The following AKAP19 variants were observed in gnomAD, a reference collection of about 807,000 sequenced individuals.
AKAP19 encodes the protein A-kinase anchoring protein 19, also known as small A-kinase anchoring protein.
chr2:190,157,441 G>A, the AKAP19 span, among the ~76,000 whole-genome samples: 1 of 149,404 alleles, frequency 6.7e-6, no homozygotes, highest in Non-Finnish European at 1.5e-5. Flanking sequence ...CTCCAGAAAA[G>A]AAGGTTAAAT....
the AKAP19 span, among the ~76,000 whole-genome samples, chr2:190,127,494 A>T: frequency 1.3e-5 from 2 of 152,174 alleles, no homozygotes; most frequent in African/African-American, 4.8e-5. Flanking sequence ...CACATGGCAA[A>T]TACTAAAGCT....
chr2:190,147,314 G>GA, the AKAP19 span, among the ~76,000 whole-genome samples: 8 of 152,208 alleles, frequency 5.3e-5, no homozygotes, highest in East Asian at 1.4e-3. Context: ...GGCTGTAAGT[G>GA]TTTTGGTTTA....
the AKAP19 span, among the ~76,000 whole-genome samples, chr2:190,102,241 G>A: frequency 6.6e-6 from 1 of 151,862 alleles, no homozygotes; most frequent in Non-Finnish European, 1.5e-5. Context: ...AAATTAGAAA[G>A]ACCCCAAATT....
chr2:189,901,502 T>G, the AKAP19 span, among the ~76,000 whole-genome samples: 2 of 152,092 alleles, frequency 1.3e-5, no homozygotes, highest in Non-Finnish European at 2.9e-5. Context: ...CACACCTGGC[T>G]AATTTTTGTA....
chr2:190,094,045 C>T, the AKAP19 span, among the ~76,000 whole-genome samples: 1 of 152,186 alleles, frequency 6.6e-6, no homozygotes, highest in African/African-American at 2.4e-5. Flanking sequence ...AGGCCCCACA[C>T]CCCTGCAAGA....
At chr2:189,992,948 C>G in the AKAP19 span, among the ~76,000 whole-genome samples, 1 of 152,214 alleles carries the variant, frequency 6.6e-6, no homozygotes, top group Non-Finnish European at 1.5e-5. Flanking sequence ...GTTATACAAT[C>G]ATATCATTGG....
the AKAP19 span, chr2:190,180,474 G>C: frequency 1.0e-6 from 1 of 985,562 alleles, no homozygotes; most frequent in Non-Finnish European, 1.2e-6. This position sits in a 1 kb window ranked among gnomAD's most constrained non-coding sequence, Gnocchi z 6.8. Context: ...TGCCTCGCTG[G>C]CTCTTACTTT....
the AKAP19 span, among the ~76,000 whole-genome samples, chr2:189,950,341 T>TG: frequency 2.0e-5 from 3 of 150,376 alleles, no homozygotes; most frequent in East Asian, 1.9e-4. Flanking sequence ...TTTGTTTTTT[T>TG]TTTTTGTTTT....
At chr2:190,170,158 T>G in the AKAP19 span, among the ~76,000 whole-genome samples, 13 of 152,278 alleles carry the variant, frequency 8.5e-5, no homozygotes, top group East Asian at 2.5e-3. Flanking sequence ...GCAAGCAGGC[T>G]CTTGGGTTTC....
At chr2:189,979,921 A>G in the AKAP19 span, among the ~76,000 whole-genome samples, 1 of 152,204 alleles carries the variant, frequency 6.6e-6, no homozygotes, top group Admixed American at 6.5e-5. Flanking sequence ...AAAAAATAAC[A>G]GATTTGGCAA....
chr2:190,073,445 T>G, the AKAP19 span, among the ~76,000 whole-genome samples: 13 of 152,254 alleles, frequency 8.5e-5, no homozygotes, highest in South Asian at 2.7e-3. Flanking sequence ...ATGGGAAACT[T>G]TTTTATCAGT....
At chr2:189,940,194 G>C in the AKAP19 span, among the ~76,000 whole-genome samples, 1 of 151,678 alleles carries the variant, frequency 6.6e-6, no homozygotes, top group African/African-American at 2.4e-5. Flanking sequence ...CAGGAGAATG[G>C]CATGAACCCA....
At chr2:189,882,867 A>G in the AKAP19 span, among the ~76,000 whole-genome samples, 669 of 151,992 alleles carry the variant, frequency 4.4e-3, 8 homozygotes, top group African/African-American at 0.015. Flanking sequence ...GGTTTGTCTG[A>G]TGTATTATAG....
the AKAP19 span, among the ~76,000 whole-genome samples, chr2:190,152,136 C>T: frequency 6.6e-6 from 1 of 152,012 alleles, no homozygotes; most frequent in East Asian, 1.9e-4. Context: ...CCAGCCTGGG[C>T]AACAGAATGA....
At chr2:189,889,526 T>C in the AKAP19 span, among the ~76,000 whole-genome samples, 1 of 152,366 alleles carries the variant, frequency 6.6e-6, no homozygotes, top group African/African-American at 2.4e-5. Context: ...TTTGTACCTC[T>C]GGTAGAATTC....
the AKAP19 span, among the ~76,000 whole-genome samples, chr2:190,141,077 C>G: frequency 6.6e-6 from 1 of 152,196 alleles, no homozygotes; most frequent in Non-Finnish European, 1.5e-5. Context: ...TTTCTTATCT[C>G]CCTCTGAGAC....
chr2:189,893,308 G>A, the AKAP19 span, among the ~76,000 whole-genome samples: 1 of 152,186 alleles, frequency 6.6e-6, no homozygotes, highest in African/African-American at 2.4e-5. Context: ...TGCCCAAACA[G>A]CCGCCCAGTT....
At chr2:189,958,387 T>C in the AKAP19 span, among the ~76,000 whole-genome samples, 1 of 151,954 alleles carries the variant, frequency 6.6e-6, no homozygotes, top group Non-Finnish European at 1.5e-5. Flanking sequence ...TTGACAGGAA[T>C]ATGGAGCAAT....
the AKAP19 span, among the ~76,000 whole-genome samples, chr2:190,069,170 G>GTGTGTGTGTGTGTGTGTC: frequency 2.7e-5 from 4 of 146,338 alleles, no homozygotes; most frequent in Admixed American, 2.0e-4. Context: ...GTGTGTGTGT[G>GTGTGTGTGTGTGTGTGTC]TGTGTGAGAG....
Sources: allele counts gnomAD v4.1 joint callset (sites outside exome capture counted in the v4.1 genomes callset), GRCh38; gene constraint gnomAD v4.1.1; non-coding constraint Gnocchi (gnomAD v3.1); transcripts MANE v1.5; gene names NCBI Gene and HGNC (gene_info 2026-07-23, HGNC 2026-07-21).